GRIK2: variants seen among roughly 807,000 people sequenced by gnomAD.
GRIK2 encodes glutamate ionotropic receptor kainate type subunit 2.
A neutral mutation model predicts 100.3 loss-of-function variants in GRIK2; 32 were observed. That is an observed-to-expected ratio of 0.32 (90% confidence interval 0.24 to 0.43). The LOEUF (loss-of-function observed/expected upper bound fraction) is 0.43. GRIK2 is among the 20% of genes least tolerant of loss of function. GRIK2 has a pLI of 1.00. For missense variants in GRIK2, 843 were observed against 1,114.9 expected (o/e 0.76, Z 3.47); for synonymous variants, 417 against 389.4 (o/e 1.07, Z -0.83).
intron 7 of GRIK2, among the ~76,000 whole-genome samples, chr6:101,728,257 G>C (rs188958032): frequency 6.6e-6 from 1 of 152,112 alleles, no homozygotes; most frequent in East Asian, 1.9e-4. Context: ...TATAATTTGA[G>C]TCAGAAAACT....
rs542070555 is a variant in GRIK2 at position 101,801,957 on chromosome 6, T to C, written c.1096-374T>C. 9.9e-4 allele frequency among the ~76,000 whole-genome samples: 151 copies of C among 151,968 alleles called. 1 individual carries two copies. Among genetic ancestry groups the C allele is most frequent in the Non-Finnish European group, 1.4e-3 (97 of 67,836 alleles). On this transcript the variant is annotated intron_variant, in intron 8 of 16. Coordinates refer to ENST00000369134, the MANE Select transcript of GRIK2 (RefSeq NM_021956.5). ...TTATGAATTTAGTAGTGGGATTTTA[T>C]AACAGTAGTTCTAACTGTATTTGCC...
intron 14 of GRIK2, among the ~76,000 whole-genome samples, chr6:101,989,399 G>GTATC (rs1794231583): frequency 1.3e-5 from 2 of 151,654 alleles, no homozygotes; most frequent in South Asian, 4.1e-4. Flanking sequence ...GAGTCTTTGA[G>GTATC]TATCTCATCT....
At position 101,849,430 on chromosome 6, in the gene GRIK2, T is replaced by C. The variant is rs78500309; in HGVS notation, c.1318-9857T>C. ...ATATGTTGAGGTCTGTTTCATTTTA[T>C]TGTTGTTAAGGTGTAAGTCTGATAG... On this transcript the variant is annotated intron_variant, in intron 10 of 16. Transcript: ENST00000369134. Among the ~76,000 whole-genome samples the C allele has an allele frequency of 1.1e-3, 172 of 152,230 alleles. 1 individual carries two copies. Among genetic ancestry groups the C allele is most frequent in the African/African-American group, 3.8e-3 (158 of 41,576 alleles).
chr6:101,733,666 G>C (rs1462614423), intron 7 of GRIK2, among the ~76,000 whole-genome samples: 1 of 144,404 alleles, frequency 6.9e-6, no homozygotes, highest in South Asian at 2.2e-4. Context: ...TTCAAGGTCT[G>C]GTTCTTTTTT....
chr6:101,893,347 A>G (rs2063971731), intron 12 of GRIK2, among the ~76,000 whole-genome samples: 1 of 151,690 alleles, frequency 6.6e-6, no homozygotes, highest in African/African-American at 2.4e-5. Flanking sequence ...ACAAAGGCAT[A>G]AAATAACTAC....
At chr6:101,591,603 C>T (rs572827220) in intron 2 of GRIK2, among the ~76,000 whole-genome samples, 1 of 151,826 alleles carries the variant, frequency 6.6e-6, no homozygotes, top group African/African-American at 2.4e-5. Flanking sequence ...TTGATAAGAA[C>T]AGTATATAAT....
intron 16 of GRIK2, 99 bp from the exon 17 acceptor site, chr6:102,068,248 G>A: frequency 1.2e-6 from 1 of 827,250 alleles, no homozygotes; most frequent in Non-Finnish European, 1.9e-6. Context: ...CTTCAAGGAT[G>A]TTATGTGACA....
intron 12 of GRIK2, among the ~76,000 whole-genome samples, chr6:101,917,029 A>C (rs1789160640): frequency 6.6e-6 from 1 of 151,562 alleles, no homozygotes; most frequent in Non-Finnish European, 1.5e-5. Flanking sequence ...ATAGGTGGTA[A>C]GGTTGTCTAT....
At chr6:102,026,532 G>C (rs1017449631) in intron 14 of GRIK2, among the ~76,000 whole-genome samples, 2 of 151,046 alleles carry the variant, frequency 1.3e-5, no homozygotes, top group Non-Finnish European at 3.0e-5. Flanking sequence ...TCATTTAAAA[G>C]ATAATATGCA....
At chr6:101,928,253 T>C (rs1004110795) in intron 13 of GRIK2, 162 bp from the exon 14 acceptor site, 5 of 601,634 alleles carry the variant, frequency 8.3e-6, no homozygotes, top group African/African-American at 7.4e-5. Flanking sequence ...GAAAATAGCC[T>C]CTGCTTTCCC....
chr6:101,492,253 T>A (rs1773164343), intron 2 of GRIK2, among the ~76,000 whole-genome samples: 1 of 151,954 alleles, frequency 6.6e-6, no homozygotes, highest in Non-Finnish European at 1.5e-5. Flanking sequence ...GACTTCATAT[T>A]CATTAGCTGA....
chr6:101,516,841 A>G (rs1214771792), intron 2 of GRIK2, among the ~76,000 whole-genome samples: 1 of 151,848 alleles, frequency 6.6e-6, no homozygotes, highest in East Asian at 1.9e-4. Context: ...GTCAACCCTT[A>G]ATATATATAT....
intron 11 of GRIK2, among the ~76,000 whole-genome samples, chr6:101,865,459 A>G (rs1440738088): frequency 1.3e-5 from 2 of 152,216 alleles, no homozygotes; most frequent in East Asian, 3.8e-4. Flanking sequence ...AGGTATTATC[A>G]CAAAAATGGA....
intron 7 of GRIK2, among the ~76,000 whole-genome samples, chr6:101,742,925 G>C (rs1776139739): frequency 6.6e-6 from 1 of 152,176 alleles, no homozygotes; most frequent in African/African-American, 2.4e-5. Context: ...AAGAGCCCTG[G>C]CTGAGGACGA....
chr6:101,491,867 G>A (rs2399711), intron 2 of GRIK2, among the ~76,000 whole-genome samples: 21,707 of 151,440 alleles, frequency 0.14, 1,649 homozygotes, highest in Middle Eastern at 0.21. Context: ...ATCATAGTTT[G>A]CATATATATA....
chr6:101,761,022 C>A (rs1777623771), intron 7 of GRIK2, among the ~76,000 whole-genome samples: 1 of 151,982 alleles, frequency 6.6e-6, no homozygotes, highest in African/African-American at 2.4e-5. Flanking sequence ...AGTGATTCTT[C>A]AGAAATGAAT....
chr6:101,713,217 A>C (rs1261646225), intron 7 of GRIK2, among the ~76,000 whole-genome samples: 2 of 151,690 alleles, frequency 1.3e-5, no homozygotes, highest in Admixed American at 1.3e-4. Flanking sequence ...CCATTAATAA[A>C]CTTAGAGGCA....
At chr6:101,423,114 T>C (rs555236534) in intron 2 of GRIK2, among the ~76,000 whole-genome samples, 99 of 152,196 alleles carry the variant, frequency 6.5e-4, no homozygotes, top group Non-Finnish European at 1.1e-3. Context: ...CCGGTCTTTG[T>C]ATGTTACTCT....
intron 2 of GRIK2, among the ~76,000 whole-genome samples, chr6:101,439,590 T>C (rs1769932615): frequency 6.6e-6 from 1 of 152,192 alleles, no homozygotes; most frequent in African/African-American, 2.4e-5. Context: ...TTTTCCATTA[T>C]GCAATATTGA....
Sources: gnomAD v4.1 joint callset for allele counts (sites outside exome capture counted in the v4.1 genomes callset) on GRCh38, gnomAD v4.1.1 for gene constraint, MANE v1.5 for transcripts, NCBI Gene and HGNC (gene_info 2026-07-23, HGNC 2026-07-21) for gene names.